NEDD1: variants seen among roughly 807,000 people sequenced by gnomAD.
NEDD1 encodes NEDD1 gamma-tubulin ring complex targeting factor, also known as protein NEDD1.
NEDD1 carries 33 observed loss-of-function variants against 74.0 expected under a neutral mutation model. That is an observed-to-expected ratio of 0.45 (90% CI 0.34 to 0.60). NEDD1 has a LOEUF of 0.60. Ranked by LOEUF, NEDD1 falls within the 20% of genes least tolerant of loss-of-function variation. The probability of loss-of-function intolerance (pLI) is 0.01; values close to 1 mark genes in which losing one functional copy is unlikely to be tolerated. For synonymous variants in NEDD1, 250 were observed against 264.4 expected, an observed-to-expected ratio of 0.95 and a Z score of 0.53; for missense variants, 746 against 776.5, an observed-to-expected ratio of 0.96 and a Z score of 0.47.
chr12:96,936,889 A>G, intron 8 of NEDD1, 77 bp downstream of exon 8: 4 of 846,434 alleles, frequency 4.7e-6, no homozygotes, highest in Non-Finnish European at 5.6e-6. Flanking sequence ...TATGTGGTCA[A>G]TTAAACAGTA....
chr12:96,949,258 T>TA (rs1339053305), intron 14 of NEDD1, among the ~76,000 whole-genome samples: 1 of 152,212 alleles, frequency 6.6e-6, no homozygotes. Flanking sequence ...GGTTCCCTGA[T>TA]ACAGTGTTTT....
At chr12:96,942,313 C>T (rs559596622) in intron 10 of NEDD1, among the ~76,000 whole-genome samples, 2 of 152,194 alleles carry the variant, frequency 1.3e-5, no homozygotes, top group African/African-American at 2.4e-5. Flanking sequence ...CCCCCTACAC[C>T]AGGGCTTGTT....
chr12:96,923,280 A>C (rs974364010), intron 6 of NEDD1, among the ~76,000 whole-genome samples: 2 of 152,150 alleles, frequency 1.3e-5, no homozygotes, highest in African/African-American at 4.8e-5. Context: ...ATGAGCAGTG[A>C]ATTGTCTTGT....
intron 1 of NEDD1, 120 bp from the exon 2 acceptor site, chr12:96,907,483 GC>G: frequency 1.2e-6 from 1 of 820,628 alleles, no homozygotes. Context: ...GTCCGGGGAG[GC>G]GCGGGCCGGG....
intron 6 of NEDD1, among the ~76,000 whole-genome samples, chr12:96,929,556 TACACACACACACACACACACAC>T (rs71078436): frequency 1.7e-4 from 22 of 127,812 alleles, no homozygotes; most frequent in African/African-American, 6.2e-4. Flanking sequence ...TTTTCATGTA[TACACACACACACACACACACAC>T]ACACACACAC....
rs1861632 is a variant in NEDD1, at chr12:96,922,503, A to G, written c.489+2378A>G. On this transcript the variant is annotated intron_variant, in intron 6 of 15. Coordinates refer to ENST00000266742, the MANE Select transcript of NEDD1 (RefSeq NM_152905.4). ...CAGATACTACTATGTATATTCTTAT[A>G]CTTCAATTTTTATGCTTATTGTATC... Among the ~76,000 whole-genome samples the G allele has an allele frequency of 9.5e-3, 1,450 of 152,288 alleles. 26 individuals carry two copies. The highest frequency in any genetic ancestry group is 0.033 in the African/African-American group (1,362 of 41,576).
chr12:96,919,800 C>T (rs897899905), intron 5 of NEDD1, among the ~76,000 whole-genome samples, 185 bp from the exon 6 acceptor site: 2 of 152,210 alleles, frequency 1.3e-5, no homozygotes, highest in African/African-American at 2.4e-5. Flanking sequence ...TCCATAATCT[C>T]TCTCTCTCGT....
Position 96,912,600 on chromosome 12 carries a change from C to A in NEDD1, c.137-123C>A, listed in dbSNP as rs766520471. The A allele has an allele frequency of 5.7e-6, 3 of 526,204 alleles. No homozygotes were observed. The Admixed American group carries it at 1.1e-4, about 19-fold the overall frequency. 32.6% of individuals were successfully genotyped at this position (526,204 alleles called of 1,614,324 possible). A position where few individuals can be genotyped will look rare whatever the true frequency, so the allele number is the denominator to read the frequency against. On this transcript the variant is annotated intron_variant, in intron 3 of 15. Coordinates refer to ENST00000266742, the MANE Select transcript of NEDD1 (RefSeq NM_152905.4). Reference sequence around the variant, plus strand: ...TAATGTGAGCCATTTTTGAAAGCTACTCTGTAAGCTATACTCATTGCTTGT... The same window carrying A: ...TAATGTGAGCCATTTTTGAAAGCTAATCTGTAAGCTATACTCATTGCTTGT...
chr12:96,932,213 T>G (rs1286712471), intron 6 of NEDD1, among the ~76,000 whole-genome samples: 2 of 151,300 alleles, frequency 1.3e-5, no homozygotes, highest in Non-Finnish European at 2.9e-5. Context: ...ATAAGCTTCT[T>G]GATTTAATTC....
chr12:96,942,595 G>A lies in NEDD1; in HGVS notation c.1265G>A (p.Gly422Glu), dbSNP rs973337593. The stretch of plus-strand genomic sequence containing the variant: ...GTTATAGATGCTGTAGTTAACAAGG[G>A]AAGTGATGAGTCCATAGGCAAAGGA... ...PIRDDAVVNK[G>E]SDESIGKGDG... The change falls in exon 11 of 16, where the codon GGA becomes GAA. Residue 422 changes from glycine (G) to glutamate (E), a missense_variant. By Grantham distance (98) the Gly-to-Glu change is moderately conservative. Transcript: ENST00000266742. The A allele has an allele frequency of 1.3e-6, 2 of 1,520,574 alleles. No homozygotes were observed. The highest frequency in any genetic ancestry group is 1.8e-6 in the Non-Finnish European group (2 of 1,097,062). 94.2% of individuals were successfully genotyped at this position (1,520,574 alleles called of 1,614,324 possible).
chr12:96,948,400 T>C (rs1449832439), intron 14 of NEDD1, among the ~76,000 whole-genome samples: 2 of 152,206 alleles, frequency 1.3e-5, no homozygotes, highest in African/African-American at 4.8e-5. Flanking sequence ...CAGCTAGTTC[T>C]TTTTACTCTG....
At chr12:96,949,619 G>A (rs937583442) in intron 14 of NEDD1, among the ~76,000 whole-genome samples, 1 of 152,016 alleles carries the variant, frequency 6.6e-6, no homozygotes, top group Non-Finnish European at 1.5e-5. Flanking sequence ...GAAGAATAAG[G>A]TTGAAGGGGA....
chr12:96,909,926 A>C, intron 3 of NEDD1, 31 bp downstream of exon 3: 1 of 1,587,644 alleles, frequency 6.3e-7, no homozygotes. Context: ...ACACACACAC[A>C]CACACACAAA....
intron 5 of NEDD1, among the ~76,000 whole-genome samples, chr12:96,918,994 A>C (rs146536976): frequency 2.9e-4 from 44 of 152,310 alleles, no homozygotes; most frequent in African/African-American, 9.4e-4. Flanking sequence ...TATAAGTGGA[A>C]TATCATAGCT....
intron 6 of NEDD1, among the ~76,000 whole-genome samples, chr12:96,922,390 A>G (rs1875198200): frequency 6.6e-6 from 1 of 152,202 alleles, no homozygotes; most frequent in Non-Finnish European, 1.5e-5. Flanking sequence ...TTTTAAGGAC[A>G]TAGAGTAACT....
At chr12:96,914,041 A>G (rs999911640) in intron 4 of NEDD1, among the ~76,000 whole-genome samples, 3 of 152,190 alleles carry the variant, frequency 2.0e-5, no homozygotes, top group African/African-American at 7.2e-5. Flanking sequence ...GGAGACTGGG[A>G]CAGAGGGAAC....
chr12:96,946,703 T>A (rs1017030131), intron 14 of NEDD1, among the ~76,000 whole-genome samples: 5 of 152,222 alleles, frequency 3.3e-5, no homozygotes, highest in Admixed American at 3.3e-4. Flanking sequence ...GTGCAGTGTG[T>A]TCTGCCATGT....
At chr12:96,938,424 T>G (rs1235448659) in intron 9 of NEDD1, among the ~76,000 whole-genome samples, 1 of 152,072 alleles carries the variant, frequency 6.6e-6, no homozygotes, top group Non-Finnish European at 1.5e-5. Flanking sequence ...AAAATTATCT[T>G]TTTTCAAAAT....
chr12:96,952,720 A>G lies in NEDD1; in HGVS notation c.*667A>G, dbSNP rs1439430230. On this transcript the variant is annotated 3_prime_UTR_variant, in exon 16 of 16. Coordinates refer to ENST00000266742, the MANE Select transcript of NEDD1 (RefSeq NM_152905.4). ...TGGTATTTTTAAGATATCTTTACCTATAAAAAATGTTTAAGGTTCATAGGA... is the reference window on the plus strand; with the variant it reads ...TGGTATTTTTAAGATATCTTTACCTGTAAAAAATGTTTAAGGTTCATAGGA... The G allele has an allele frequency of 1.3e-5, 2 of 151,714 alleles. No homozygotes were observed. The highest frequency in any genetic ancestry group is 3.0e-5 in the Non-Finnish European group (2 of 67,696). The allele number at this position is 151,714 out of a possible 1,614,324, so 9.4% of individuals were successfully genotyped here.
Sources: gnomAD v4.1 joint callset for allele counts (sites outside exome capture counted in the v4.1 genomes callset) on GRCh38, gnomAD v4.1.1 for gene constraint, MANE v1.5 for transcripts, NCBI Gene and HGNC (gene_info 2026-07-23, HGNC 2026-07-21) for gene names.